The following GRK5 variants were observed in gnomAD, a reference collection of about 807,000 sequenced individuals.
GRK5 encodes the protein g protein-coupled receptor kinase GRK5.
Under a neutral mutation model 78.4 loss-of-function variants are expected in GRK5, and 40 were observed. The ratio of observed to expected loss-of-function variants is 0.51; its 90% confidence interval spans 0.40 to 0.66. GRK5 has a LOEUF of 0.66. Among genes scored for constraint, GRK5 ranks in the 30% least tolerant of loss-of-function variants. GRK5 has a pLI of 0.00. For synonymous variants in GRK5, 289 were observed against 296.8 expected, an observed-to-expected ratio of 0.97 and a Z score of 0.27; for missense variants, 598 against 759.9, an observed-to-expected ratio of 0.79 and a Z score of 2.50.
intron 1 of GRK5, among the ~76,000 whole-genome samples, chr10:119,239,166 C>T (rs1046732451): frequency 6.6e-6 from 1 of 151,600 alleles, no homozygotes; most frequent in Non-Finnish European, 1.5e-5. Flanking sequence ...CTTTCCCATG[C>T]TGGGGCTTCG....
chr10:119,440,575 A>G (rs1853011994), intron 10 of GRK5, among the ~76,000 whole-genome samples: 1 of 135,442 alleles, frequency 7.4e-6, no homozygotes, highest in East Asian at 2.1e-4. Flanking sequence ...TTTGAGATGT[A>G]GTTTTACTCT....
intron 10 of GRK5, among the ~76,000 whole-genome samples, chr10:119,441,422 G>A (rs1377216945): frequency 1.3e-5 from 2 of 152,360 alleles, no homozygotes; most frequent in South Asian, 2.1e-4. Flanking sequence ...CCAAAGTGGA[G>A]CCTCAGCTCA....
chr10:119,256,769 G>A (rs1849293392), intron 1 of GRK5, among the ~76,000 whole-genome samples: 1 of 152,260 alleles, frequency 6.6e-6, no homozygotes, highest in Non-Finnish European at 1.5e-5. Flanking sequence ...ACTTTAAAGT[G>A]TAAATTTAAT....
chr10:119,351,249 G>A (rs571364852), intron 2 of GRK5, among the ~76,000 whole-genome samples: 1 of 152,174 alleles, frequency 6.6e-6, no homozygotes, highest in Non-Finnish European at 1.5e-5. Context: ...GTTAAAGAAA[G>A]ATATTGAGTA....
At position 119,396,725 on chromosome 10, in the gene GRK5, C is replaced by G. The variant is rs1449026634; in HGVS notation, c.292C>G (p.Leu98Val). The part of the protein sequence containing the change: ...AEYEVTPDEK[L>V]GEKGKEIMTK... The stretch of plus-strand genomic sequence containing the variant: ...ATATGAAGTTACTCCAGATGAAAAA[C>G]TGGGAGAGAAAGGGAAGGAAATTAT... The change falls in exon 4 of 16, where the codon CTG becomes GTG. Residue 98 changes from leucine (L) to valine (V), a missense_variant. Physicochemically the swap from Leu to Val is conservative, Grantham distance 32. Coordinates refer to ENST00000392870, the MANE Select transcript of GRK5 (RefSeq NM_005308.3). 6.2e-7 allele frequency: 1 copy of G among 1,613,686 alleles called. No homozygotes were observed. The highest frequency in any genetic ancestry group is 1.1e-5 in the South Asian group (1 of 91,074).
intron 8 of GRK5, among the ~76,000 whole-genome samples, chr10:119,432,247 A>T (rs534923976): frequency 1.3e-5 from 2 of 151,814 alleles, no homozygotes; most frequent in East Asian, 3.8e-4. Context: ...TGTGAAGTGC[A>T]TGGATATTTG....
chr10:119,291,981 T>C (rs1483289743), intron 1 of GRK5, among the ~76,000 whole-genome samples: 7 of 68,466 alleles, frequency 1.0e-4, no homozygotes, highest in Non-Finnish European at 1.5e-4. Context: ...TCTCCTCCTC[T>C]TCCTCCTTCT....
chr10:119,229,265 G>C, intron 1 of GRK5, among the ~76,000 whole-genome samples: 1 of 152,106 alleles, frequency 6.6e-6, no homozygotes, highest in East Asian at 1.9e-4. Flanking sequence ...TTGTTAGGCT[G>C]GGCTCTTCTG....
At chr10:119,439,894 T>G in intron 10 of GRK5, 126 bp downstream of exon 10, 1 of 789,758 alleles carries the variant, frequency 1.3e-6, no homozygotes, top group Non-Finnish European at 2.1e-6. Flanking sequence ...TGCTCAGTGC[T>G]GGGTACCTGG....
Position 119,267,312 on chromosome 10 carries a change from G to A in GRK5, c.53-59204G>A, listed in dbSNP as rs555626502. Reference sequence around the variant, plus strand: ...TGCCCAGGCTGGTCTCAAACTCCCTGCTTTAAGCGATCTTCCCACCTTGGC... The same window carrying A: ...TGCCCAGGCTGGTCTCAAACTCCCTACTTTAAGCGATCTTCCCACCTTGGC... On this transcript the variant is annotated intron_variant, in intron 1 of 15. Transcript: ENST00000392870. The surrounding 1 kb of genome is among the most constrained non-coding windows in gnomAD (Gnocchi z 4.1). Among the ~76,000 whole-genome samples, 1 of 152,276 alleles carries A rather than the reference G, an allele frequency of 6.6e-6. No homozygotes were observed. Among genetic ancestry groups the A allele is most frequent in the African/African-American group, 2.4e-5 (1 of 41,556 alleles).
chr10:119,230,478 C>T (rs1848807518), intron 1 of GRK5, among the ~76,000 whole-genome samples: 1 of 152,030 alleles, frequency 6.6e-6, no homozygotes, highest in African/African-American at 2.4e-5. Flanking sequence ...TGGCAGCAGG[C>T]AAAGAGAGAG....
intron 12 of GRK5, among the ~76,000 whole-genome samples, chr10:119,444,946 G>A (rs1337864513): frequency 6.6e-6 from 1 of 152,230 alleles, no homozygotes; most frequent in Non-Finnish European, 1.5e-5. Context: ...GCGGCCCCAG[G>A]AGGGTCTGGC....
At chr10:119,261,142 G>T (rs529604574) in intron 1 of GRK5, among the ~76,000 whole-genome samples, 11 of 150,300 alleles carry the variant, frequency 7.3e-5, no homozygotes, top group Admixed American at 4.0e-4. Flanking sequence ...CTTTTCAGAC[G>T]GGGCGGCTGC....
At chr10:119,346,105 C>G (rs147595421) in intron 2 of GRK5, among the ~76,000 whole-genome samples, 1 of 151,932 alleles carries the variant, frequency 6.6e-6, no homozygotes, top group Non-Finnish European at 1.5e-5. Flanking sequence ...CTAGAAGGTG[C>G]GTGTGCCTCC....
At chr10:119,289,388 G>T (rs1013665359) in intron 1 of GRK5, among the ~76,000 whole-genome samples, 4 of 152,202 alleles carry the variant, frequency 2.6e-5, no homozygotes, top group African/African-American at 9.6e-5. Context: ...TCCCTCCCTT[G>T]GCAGGAAGTG....
At chr10:119,418,102 T>C (rs767678152) in intron 4 of GRK5, among the ~76,000 whole-genome samples, 3 of 152,188 alleles carry the variant, frequency 2.0e-5, no homozygotes, top group Non-Finnish European at 2.9e-5. Flanking sequence ...CCCGCTGGAA[T>C]AGCAGGCAGC....
chr10:119,265,594 C>A (rs1368459137), intron 1 of GRK5, among the ~76,000 whole-genome samples: 1 of 152,222 alleles, frequency 6.6e-6, no homozygotes, highest in African/African-American at 2.4e-5. Context: ...TATTGGACTT[C>A]CTAACTTTTA....
chr10:119,422,349 G>A (rs1021758778), intron 4 of GRK5, among the ~76,000 whole-genome samples: 7 of 152,206 alleles, frequency 4.6e-5, no homozygotes, highest in Admixed American at 2.0e-4. Context: ...AGAAACAACG[G>A]TGGTGACATT....
At chr10:119,249,271 C>CAAA (rs1174024770) in intron 1 of GRK5, among the ~76,000 whole-genome samples, 1 of 145,340 alleles carries the variant, frequency 6.9e-6, no homozygotes, top group South Asian at 2.2e-4. Context: ...AACTTCGTCT[C>CAAA]AAAAAACAAA....
Sources: allele counts gnomAD v4.1 joint callset (sites outside exome capture counted in the v4.1 genomes callset), GRCh38; gene constraint gnomAD v4.1.1; non-coding constraint Gnocchi (gnomAD v3.1); transcripts MANE v1.5; gene names NCBI Gene and HGNC (gene_info 2026-07-23, HGNC 2026-07-21).